Variants in ALG12 observed in about 807,000 individuals in gnomAD.
ALG12 encodes the protein ALG12 alpha-1,6-mannosyltransferase.
A neutral mutation model predicts 46.0 loss-of-function variants in ALG12; 36 were observed. The observed-to-expected ratio is 0.78, with a 90% confidence interval of 0.60 to 1.03. The LOEUF is 1.03. Among genes scored for constraint, ALG12 ranks in the 50% least tolerant of loss-of-function variants. ALG12 has a pLI of 0.00. For synonymous variants in ALG12, 326 were observed against 291.6 expected (o/e 1.12, Z -1.20); for missense variants, 599 against 633.5 (o/e 0.95, Z 0.58).
At chr22:49,896,729 G>A (rs972343533), downstream of ALG12, among the ~76,000 whole-genome samples, 1 of 152,104 alleles carries the variant, frequency 6.6e-6, no homozygotes, top group African/African-American at 2.4e-5. Flanking sequence ...TCCGCCTCCC[G>A]GGTTCAAGCA....
At chr22:49,875,577 C>T in the ALG12 span, among the ~76,000 whole-genome samples, 4 of 151,728 alleles carry the variant, frequency 2.6e-5, no homozygotes, top group Non-Finnish European at 5.9e-5. Context: ...CGCACCACCA[C>T]GCCCGGCTAA....
At chr22:49,871,758 T>TA in the ALG12 span, among the ~76,000 whole-genome samples, 1 of 119,772 alleles carries the variant, frequency 8.3e-6, no homozygotes, top group Non-Finnish European at 1.6e-5. Context: ...TATTTATTTA[T>TA]TTTTTTTTTT....
chr22:49,884,727 T>A, the ALG12 span: 1 of 1,594,038 alleles, frequency 6.3e-7, no homozygotes, highest in South Asian at 1.1e-5. Context: ...ACTCCACCCC[T>A]CCCACTCTGC....
the ALG12 span, among the ~76,000 whole-genome samples, chr22:49,873,609 T>C: frequency 6.6e-6 from 1 of 151,258 alleles, no homozygotes; most frequent in South Asian, 2.1e-4. Flanking sequence ...TGGACGTGCT[T>C]GATGCAGGAT....
In ALG12 at chr22:49,905,572, C is replaced by G. The variant is rs923345467; in HGVS notation, c.993-1066G>C. 6.6e-6 allele frequency among the ~76,000 whole-genome samples: 1 copy of G among 152,198 alleles called. No homozygotes were observed. The highest frequency in any genetic ancestry group is 2.4e-5 in the African/African-American group (1 of 41,452). ...TTGTTTGAAAATGGGTGACACCTCCCCCGTCCCTCTTCGTCCTGCTTTGGC... is the reference window on the plus strand; with the variant it reads ...TTGTTTGAAAATGGGTGACACCTCCGCCGTCCCTCTTCGTCCTGCTTTGGC... On this transcript the variant is annotated intron_variant, in intron 7 of 9. Coordinates refer to ENST00000330817, the MANE Select transcript of ALG12 (RefSeq NM_024105.4). This position sits in a 1 kb window ranked among gnomAD's most constrained non-coding sequence, Gnocchi z 4.9.
In ALG12 at chr22:49,903,696, G is replaced by A. The variant is rs1435311651; in HGVS notation, c.*142C>T. The A allele has an allele frequency of 4.2e-6, 4 of 951,978 alleles. No individual in the cohort carries two copies. The Admixed American group carries it at 7.9e-5, about 19-fold the overall frequency. The allele number at this position is 951,978 out of a possible 1,614,324, so 59.0% of individuals were successfully genotyped here. On this transcript the variant is annotated 3_prime_UTR_variant, in exon 10 of 10. Coordinates refer to ENST00000330817, the MANE Select transcript of ALG12 (RefSeq NM_024105.4). ...GGCTGTGGAGGAGGCCCTGGACCTG[G>A]TCTGGTGTCTGTCAGAGGCAGGTGC...
At chr22:49,897,706 C>T (rs1482874444), downstream of ALG12, among the ~76,000 whole-genome samples, 3 of 128,226 alleles carry the variant, frequency 2.3e-5, no homozygotes, top group Non-Finnish European at 3.1e-5. Flanking sequence ...CTTGCTCTGT[C>T]GCCCAGGCTG....
chr22:49,917,148 C>T (rs1025963476), intron 1 of ALG12, among the ~76,000 whole-genome samples: 1 of 152,342 alleles, frequency 6.6e-6, no homozygotes, highest in Non-Finnish European at 1.5e-5. Context: ...CCCCACCAGG[C>T]GAGGGTGAAC....
intron 4 of ALG12, 114 bp downstream of exon 4, chr22:49,910,320 A>G (rs2060568952): frequency 4.3e-6 from 6 of 1,384,662 alleles, no homozygotes; most frequent in Non-Finnish European, 6.0e-6. Flanking sequence ...ATCCTGAGGA[A>G]CCCAGTGGGG....
chr22:49,864,942 C>G, the ALG12 span, among the ~76,000 whole-genome samples: 6 of 9,548 alleles, frequency 6.3e-4, no homozygotes, highest in Non-Finnish European at 1.8e-3. Flanking sequence ...AGCAAGCCCC[C>G]CCCCCCCCCC....
chr22:49,884,610 G>A, the ALG12 span: 4 of 1,612,416 alleles, frequency 2.5e-6, no homozygotes, highest in Non-Finnish European at 8.5e-7. Flanking sequence ...TCAGCCGGGG[G>A]AAGAATGGGA....
Position 49,910,020 on chromosome 22 carries a change from T to C in ALG12, c.538A>G (p.Ile180Val), listed in dbSNP as rs1382565417. The C allele has an allele frequency of 1.2e-6, 2 of 1,613,622 alleles. No homozygotes were observed. The highest frequency in any genetic ancestry group is 1.7e-6 in the Non-Finnish European group (2 of 1,179,902). ...ARFIWLSAFA[I>V]IVFRVELCLF... Reference sequence around the variant, plus strand: ...CACAGCTCCACCCTGAACACGATGATGGCGAAGGCTGACAGCCAGATGAAG... The same window carrying C: ...CACAGCTCCACCCTGAACACGATGACGGCGAAGGCTGACAGCCAGATGAAG... The change falls in exon 5 of 10, where the codon ATC becomes GTC. Residue 180 changes from isoleucine (I) to valine (V), a missense_variant. Ile to Val is a conservative substitution (Grantham distance 29, BLOSUM62 3). Transcript: ENST00000330817.
downstream of ALG12, among the ~76,000 whole-genome samples, chr22:49,900,054 C>T (rs1169798497): frequency 1.3e-5 from 2 of 152,090 alleles, no homozygotes; most frequent in Admixed American, 6.5e-5. Context: ...GTCCCAGCTA[C>T]TTGGGAGGCT....
At chr22:49,909,529 G>A (rs1410511214) in intron 5 of ALG12, among the ~76,000 whole-genome samples, 182 bp from the exon 6 acceptor site, 1 of 152,058 alleles carries the variant, frequency 6.6e-6, no homozygotes. Context: ...TCATGCCACT[G>A]CACTCCATCC....
chr22:49,878,031 G>C, the ALG12 span, among the ~76,000 whole-genome samples: 131 of 152,206 alleles, frequency 8.6e-4, no homozygotes, highest in Non-Finnish European at 1.1e-3. Flanking sequence ...GAGGCCAGGC[G>C]TGGTGGCTCA....
At chr22:49,893,782 A>G in the ALG12 span, among the ~76,000 whole-genome samples, 11 of 152,340 alleles carry the variant, frequency 7.2e-5, 1 homozygote, top group East Asian at 1.9e-3. Flanking sequence ...AAATACAGGT[A>G]GACTTAAGAT....
the ALG12 span, among the ~76,000 whole-genome samples, chr22:49,881,803 G>A: frequency 1.3e-5 from 2 of 152,128 alleles, no homozygotes; most frequent in Non-Finnish European, 2.9e-5. Flanking sequence ...AAGTACTAGG[G>A]TTACAGGCAT....
At chr22:49,863,235 G>A in the ALG12 span, among the ~76,000 whole-genome samples, 119 of 152,220 alleles carry the variant, frequency 7.8e-4, 1 homozygote, top group African/African-American at 2.7e-3. Flanking sequence ...GCCCAGGATG[G>A]AGTGCAGTGG....
chr22:49,896,923 G>A (rs1231695379), downstream of ALG12, among the ~76,000 whole-genome samples: 1 of 151,374 alleles, frequency 6.6e-6, no homozygotes, highest in Non-Finnish European at 1.5e-5. Flanking sequence ...TCCCAGGCGT[G>A]AGCCACCACA....
Sources: allele counts gnomAD v4.1 joint callset (sites outside exome capture counted in the v4.1 genomes callset), GRCh38; gene constraint gnomAD v4.1.1; non-coding constraint Gnocchi (gnomAD v3.1); transcripts MANE v1.5; gene names NCBI Gene and HGNC (gene_info 2026-07-23, HGNC 2026-07-21).